PYHIN1: variants seen among roughly 807,000 people sequenced by gnomAD.
PYHIN1 encodes pyrin and HIN domain family member 1.
PYHIN1 carries 32 observed loss-of-function variants against 43.7 expected under a neutral mutation model. The ratio of observed to expected loss-of-function variants is 0.73; its 90% CI spans 0.55 to 0.98. The LOEUF (loss-of-function observed/expected upper bound fraction) is 0.98, where lower values mean the gene tolerates loss of function less well. PYHIN1 is among the 50% of genes least tolerant of loss of function. The pLI, the probability that PYHIN1 is intolerant of heterozygous loss-of-function variation, is 0.00. For missense variants in PYHIN1, 588 were observed against 589.5 expected (o/e 1.00, Z 0.03); for synonymous variants, 205 against 203.1 (o/e 1.01, Z -0.08).
intron 7 of PYHIN1, among the ~76,000 whole-genome samples, chr1:158,969,753 A>G (rs1231166453): frequency 6.6e-6 from 1 of 152,008 alleles, no homozygotes; most frequent in Non-Finnish European, 1.5e-5. Context: ...TCTGACGCAT[A>G]ATGGCTTAGA....
At chr1:158,990,607 C>A in the PYHIN1 span, among the ~76,000 whole-genome samples, 1 of 152,114 alleles carries the variant, frequency 6.6e-6, no homozygotes, top group Non-Finnish European at 1.5e-5. Context: ...AAATAGATTT[C>A]TTGATATTTA....
intron 7 of PYHIN1, among the ~76,000 whole-genome samples, chr1:158,971,386 A>G (rs61219373): frequency 0.067 from 10,174 of 151,992 alleles, 417 homozygotes; most frequent in Admixed American, 0.11. Flanking sequence ...AGAGAATCAC[A>G]TGTGATTTTC....
At chr1:158,984,965 A>G in the PYHIN1 span, among the ~76,000 whole-genome samples, 1 of 151,842 alleles carries the variant, frequency 6.6e-6, no homozygotes, top group Non-Finnish European at 1.5e-5. Context: ...TTCCTGAAAT[A>G]AAAGAGCAAC....
intron 7 of PYHIN1, among the ~76,000 whole-genome samples, chr1:158,963,095 G>A (rs1010749645): frequency 2.6e-5 from 4 of 152,142 alleles, no homozygotes; most frequent in African/African-American, 9.7e-5. Flanking sequence ...CCATTCTCTA[G>A]CTGAACATTC....
At chr1:158,956,115 T>A (rs200415507) in intron 7 of PYHIN1, among the ~76,000 whole-genome samples, 10 of 139,900 alleles carry the variant, frequency 7.1e-5, no homozygotes, top group Non-Finnish European at 6.3e-5. Flanking sequence ...TAATCAATAG[T>A]TCACCAACCA....
At chr1:158,952,690 G>A (rs563613534) in intron 7 of PYHIN1, among the ~76,000 whole-genome samples, 2 of 152,326 alleles carry the variant, frequency 1.3e-5, no homozygotes, top group East Asian at 1.9e-4. Context: ...CGTTAGGGCT[G>A]TTACTGGGAC....
At chr1:158,985,126 T>C in the PYHIN1 span, among the ~76,000 whole-genome samples, 1 of 152,192 alleles carries the variant, frequency 6.6e-6, no homozygotes. Flanking sequence ...TTCTGTGCCT[T>C]TTAAGTGGAG....
chr1:158,973,531 AC>A, intron 7 of PYHIN1, 115 bp from the exon 8 acceptor site: 1 of 987,658 alleles, frequency 1.0e-6, no homozygotes, highest in Non-Finnish European at 1.5e-6. Context: ...ACACACACAC[AC>A]ACACATATAC....
intron 7 of PYHIN1, among the ~76,000 whole-genome samples, chr1:158,972,350 A>G (rs1244426418): frequency 6.6e-6 from 1 of 152,034 alleles, no homozygotes; most frequent in Non-Finnish European, 1.5e-5. Flanking sequence ...AGAGCTTTTC[A>G]ATCAATCTCT....
chr1:158,971,798 A>G (rs1326851168), intron 7 of PYHIN1, among the ~76,000 whole-genome samples: 2 of 151,958 alleles, frequency 1.3e-5, no homozygotes, highest in African/African-American at 4.8e-5. Flanking sequence ...AGCCTAGATG[A>G]GTTTTCACCA....
chr1:158,941,441 C>T (rs183240609), intron 4 of PYHIN1, among the ~76,000 whole-genome samples: 3 of 152,200 alleles, frequency 2.0e-5, no homozygotes, highest in Admixed American at 6.5e-5. Flanking sequence ...GGGTTTAGCC[C>T]ACAGGTGTTC....
At chr1:158,985,368 G>A in the PYHIN1 span, among the ~76,000 whole-genome samples, 2 of 152,120 alleles carry the variant, frequency 1.3e-5, no homozygotes, top group Non-Finnish European at 2.9e-5. Flanking sequence ...TTCGCTTAGT[G>A]TTTGTTTGTC....
At chr1:158,957,276 A>G (rs1268957638) in intron 7 of PYHIN1, among the ~76,000 whole-genome samples, 1 of 151,224 alleles carries the variant, frequency 6.6e-6, no homozygotes, top group Non-Finnish European at 1.5e-5. Context: ...TATGGAACCA[A>G]AAAAGAGCCC....
At chr1:158,939,439 G>A in intron 4 of PYHIN1, 192 bp downstream of exon 4, 4 of 1,552,680 alleles carry the variant, frequency 2.6e-6, no homozygotes, top group Non-Finnish European at 3.5e-6. Context: ...TCTGACTGCA[G>A]GAAGTTTTCT....
chr1:158,980,086 C>A (rs1651436945), downstream of PYHIN1, among the ~76,000 whole-genome samples: 1 of 152,092 alleles, frequency 6.6e-6, no homozygotes, highest in Admixed American at 6.6e-5. Context: ...TCAGGGACCC[C>A]AAATGGAGGG....
chr1:158,986,616 C>G, the PYHIN1 span, among the ~76,000 whole-genome samples: 1 of 152,194 alleles, frequency 6.6e-6, no homozygotes, highest in Non-Finnish European at 1.5e-5. Context: ...GGCAGAAACT[C>G]TGAGAGAGGC....
At chr1:158,983,984 G>A in the PYHIN1 span, among the ~76,000 whole-genome samples, 1 of 142,568 alleles carries the variant, frequency 7.0e-6, no homozygotes. Flanking sequence ...CCATGGTAAT[G>A]TCCCCTTTGT....
chr1:158,971,554 A>T (rs1353029508), intron 7 of PYHIN1, among the ~76,000 whole-genome samples: 1 of 152,010 alleles, frequency 6.6e-6, no homozygotes, highest in Non-Finnish European at 1.5e-5. Flanking sequence ...CAGAATCCTG[A>T]CTGGAACTGT....
At position 158,959,877 on chromosome 1, in the gene PYHIN1, T is replaced by C. The variant is rs185057810; in HGVS notation, c.1360-13770T>C. On this transcript the variant is annotated intron_variant, in intron 7 of 8. Transcript: ENST00000368140. ...TTCATGCTATGTGCATCAATTCTTA[T>C]TCCAGATTACCTTTTCCTCTGACAT... Among the ~76,000 whole-genome samples, 8 of 152,346 alleles carry C rather than the reference T, an allele frequency of 5.3e-5. No homozygotes were observed. The East Asian group carries it at 1.5e-3, about 29-fold the overall frequency.
Sources: allele counts gnomAD v4.1 joint callset (sites outside exome capture counted in the v4.1 genomes callset), GRCh38; gene constraint gnomAD v4.1.1; transcripts MANE v1.5; gene names NCBI Gene and HGNC (gene_info 2026-07-23, HGNC 2026-07-21).